The following ABCA6 variants were observed in gnomAD, a reference collection of about 807,000 sequenced individuals.
ABCA6 encodes ATP-binding cassette sub-family A member 6.
Under a neutral mutation model 191.2 loss-of-function variants are expected in ABCA6, and 164 were observed. That is an observed-to-expected ratio of 0.86 (90% CI 0.76 to 0.98). The LOEUF (loss-of-function observed/expected upper bound fraction) is 0.98. Ranked by LOEUF, ABCA6 falls within the 50% of genes least tolerant of loss-of-function variation. The pLI is 0.00. For synonymous variants in ABCA6, 636 were observed against 647.7 expected (o/e 0.98, Z 0.27); for missense variants, 1,958 against 1,894.1 (o/e 1.03, Z -0.63).
chr17:69,116,966 G>A (rs751102816), intron 11 of ABCA6, among the ~76,000 whole-genome samples: 1 of 152,050 alleles, frequency 6.6e-6, no homozygotes, highest in African/African-American at 2.4e-5. Flanking sequence ...GACTTGATGA[G>A]TACAAAGGTA....
chr17:69,111,077 A>C, intron 16 of ABCA6, 137 bp from the exon 17 acceptor site: 1 of 728,232 alleles, frequency 1.4e-6, no homozygotes, highest in Non-Finnish European at 2.1e-6. Context: ...AAATACTAAC[A>C]TGATAGTAAT....
intron 11 of ABCA6, chr17:69,115,783 C>T (rs891529099): frequency 5.3e-6 from 1 of 187,184 alleles, no homozygotes; most frequent in African/African-American, 2.3e-5. Context: ...AATGACCTTT[C>T]AAATGTATTA....
intron 10 of ABCA6, among the ~76,000 whole-genome samples, chr17:69,121,177 G>T (rs2073633925): frequency 6.6e-6 from 1 of 152,050 alleles, no homozygotes; most frequent in South Asian, 2.1e-4. Flanking sequence ...AAAAAGATTT[G>T]ACATTGTCTA....
chr17:69,105,279 T>G (rs2073271334), intron 20 of ABCA6, 183 bp downstream of exon 20: 5 of 607,772 alleles, frequency 8.2e-6, no homozygotes, highest in Non-Finnish European at 1.4e-5. Context: ...TCTCTTGTCC[T>G]CATCATCCCT....
Position 69,124,902 on chromosome 17 carries a change from T to C in ABCA6, c.1253A>G (p.Asp418Gly). The change falls in exon 9 of 39, where the codon GAC (aspartate) becomes GGC (glycine). Residue 418 changes from aspartate to glycine, a missense_variant. Physicochemically the swap from Asp to Gly is moderately conservative, Grantham distance 94. Coordinates refer to ENST00000284425, the MANE Select transcript of ABCA6 (RefSeq NM_080284.3). ...CTATTACTTACAGGGTAAAATTTTG[T>C]CAAAGTATAATGCCAATAGCAAGTA... is the stretch of plus-strand genomic sequence containing the variant. ...LIYLLLALYF[D>G]KILPYGDERH... 4 of 1,562,270 alleles carry C rather than the reference T, an allele frequency of 2.6e-6. No individual in the cohort carries two copies. Among genetic ancestry groups the C allele is most frequent in the Non-Finnish European group, 3.5e-6 (4 of 1,156,446 alleles).
intron 5 of ABCA6, among the ~76,000 whole-genome samples, chr17:69,134,288 G>A (rs913461480): frequency 1.3e-5 from 2 of 152,110 alleles, no homozygotes; most frequent in Admixed American, 6.6e-5. Context: ...AGCCTTTGGG[G>A]TAGTGGTTGG....
At chr17:69,094,316 C>T (rs1460472272) in intron 25 of ABCA6, 1 of 152,254 alleles carries the variant, frequency 6.6e-6, no homozygotes, top group Non-Finnish European at 1.5e-5. Flanking sequence ...CAGATTCTGT[C>T]TTCTGCCATT....
Position 69,100,729 on chromosome 17 carries a change from T to C in ABCA6, c.3012+68A>G. The C allele has an allele frequency of 6.9e-6, 10 of 1,443,542 alleles. No homozygotes were observed. In the South Asian group the frequency reaches 1.5e-4, roughly 21 times the overall value. The allele number at this position is 1,443,542 out of a possible 1,614,324, so 89.4% of individuals were successfully genotyped here. ...CAATCACTTATGGATATTTAAAAGC[T>C]AAAGAGAGAAAACATAGGCTATTTG... On this transcript the variant is annotated intron_variant, in intron 22 of 38. Coordinates refer to ENST00000284425, the MANE Select transcript of ABCA6 (RefSeq NM_080284.3).
chr17:69,105,363 A>G, intron 20 of ABCA6, 99 bp downstream of exon 20: 1 of 1,203,044 alleles, frequency 8.3e-7, no homozygotes, highest in Non-Finnish European at 1.2e-6. Context: ...TTAAATACCC[A>G]TTTTCTTCTC....
At position 69,129,645 on chromosome 17, in the gene ABCA6, T is replaced by G; in HGVS notation, c.898A>C (p.Ile300Leu). The change falls in exon 7 of 39, where the codon ATA becomes CTA. Residue 300 changes from isoleucine (I) to leucine (L), a missense_variant. By Grantham distance (5) the Ile-to-Leu change is conservative (BLOSUM62 2). Coordinates refer to ENST00000284425, the MANE Select transcript of ABCA6 (RefSeq NM_080284.3). Reference sequence around the variant, plus strand: ...CCATATAAAAAAAAGAGTATAAATATGACCATGAAGCCAGTCATGACTATA... The same window carrying G: ...CCATATAAAAAAAAGAGTATAAATAGGACCATGAAGCCAGTCATGACTATA... Reference protein sequence around the residue: ...QIIVMTGFMVIFILFFLYGLS... With the variant: ...QIIVMTGFMVLFILFFLYGLS... 1 of 1,602,570 alleles carries G rather than the reference T, an allele frequency of 6.2e-7. No homozygotes were observed. The highest frequency in any genetic ancestry group is 1.7e-4 in the Middle Eastern group (1 of 6,030).
chr17:69,079,165 A>C, intron 38 of ABCA6, 45 bp downstream of exon 38: 1 of 1,591,004 alleles, frequency 6.3e-7, no homozygotes, highest in Non-Finnish European at 8.6e-7. Context: ...TGTTGCTTTC[A>C]TGTGAAATTT....
chr17:69,110,086 G>C (rs1184369714), intron 17 of ABCA6: 1 of 152,174 alleles, frequency 6.6e-6, no homozygotes, highest in Non-Finnish European at 1.5e-5. Context: ...AGTTAAGATA[G>C]AAAAGGCATT....
At chr17:69,097,556 G>A (rs1024957128) in intron 23 of ABCA6, among the ~76,000 whole-genome samples, 2 of 152,028 alleles carry the variant, frequency 1.3e-5, no homozygotes, top group Admixed American at 6.6e-5. Flanking sequence ...ACATAAAATT[G>A]CAATTTCCAG....
chr17:69,122,758 T>A (rs2073673171), intron 10 of ABCA6, among the ~76,000 whole-genome samples: 1 of 151,934 alleles, frequency 6.6e-6, no homozygotes, highest in African/African-American at 2.4e-5. Context: ...TGTGGCTGGA[T>A]AATATGATAC....
rs753988877 is a variant in ABCA6 at position 69,133,748 on chromosome 17, C to G, written c.684G>C (p.Leu228Phe). ...LHNEMFILFF[L>F]LHFSPLVYFI... ...AATATACAAGTGGGGAGAAATGAAGCAAGAAGAATAAAATAAACATCTCAT... is the reference window on the plus strand; with the variant it reads ...AATATACAAGTGGGGAGAAATGAAGGAAGAAGAATAAAATAAACATCTCAT... The change falls in exon 6 of 39, where the codon TTG becomes TTC. Residue 228 changes from leucine (L) to phenylalanine (F), a missense_variant. Transcript: ENST00000284425. The G allele has an allele frequency of 1.2e-6, 2 of 1,611,194 alleles. No homozygotes were observed. The highest frequency in any genetic ancestry group is 1.7e-6 in the Non-Finnish European group (2 of 1,177,934).
chr17:69,133,395 A>C (rs1037166558), intron 6 of ABCA6, among the ~76,000 whole-genome samples: 1 of 152,212 alleles, frequency 6.6e-6, no homozygotes, highest in African/African-American at 2.4e-5. Context: ...CTTGCTTATA[A>C]AATGAATGAC....
At chr17:69,120,993 C>A (rs1312401920) in intron 10 of ABCA6, among the ~76,000 whole-genome samples, 3 of 151,940 alleles carry the variant, frequency 2.0e-5, no homozygotes, top group Non-Finnish European at 4.4e-5. Context: ...AGATTACATA[C>A]CCTGTAAGCT....
At position 69,139,476 on chromosome 17, in the gene ABCA6, G is replaced by T. The variant is rs550836771; in HGVS notation, c.96+1132C>A. Among the ~76,000 whole-genome samples the T allele has an allele frequency of 8.0e-3, 1,211 of 152,256 alleles. 5 individuals are homozygous for T. The highest frequency in any genetic ancestry group is 0.024 in the Middle Eastern group (7 of 294). On this transcript the variant is annotated intron_variant, in intron 2 of 38. Transcript: ENST00000284425. ...GCGCTGGAGAGGATGTGGAGAAATA[G>T]GAACACTTTTACACTGTTGGTGGGA...
In ABCA6 at chr17:69,125,120, T is replaced by C. The variant is rs190328450; in HGVS notation, c.1120-85A>G. Reference sequence around the variant, plus strand: ...CAGGAAAAAGTATTAATTTATTAACTAGCTTTTTCAAGAGGCACTTAGTAG... The same window carrying C: ...CAGGAAAAAGTATTAATTTATTAACCAGCTTTTTCAAGAGGCACTTAGTAG... On this transcript the variant is annotated intron_variant, in intron 8 of 38. Coordinates refer to ENST00000284425, the MANE Select transcript of ABCA6 (RefSeq NM_080284.3). 219 of 732,430 alleles carry C rather than the reference T, an allele frequency of 3.0e-4. 1 individual carries two copies. In the East Asian group the frequency reaches 7.2e-3, roughly 24 times the overall value. The allele number at this position is 732,430 out of a possible 1,614,324, so 45.4% of individuals were successfully genotyped here. A position where few individuals can be genotyped will look rare whatever the true frequency, so the allele number is the denominator to read the frequency against.
Sources: allele counts gnomAD v4.1 joint callset (sites outside exome capture counted in the v4.1 genomes callset), GRCh38; gene constraint gnomAD v4.1.1; transcripts MANE v1.5; gene names NCBI Gene and HGNC (gene_info 2026-07-23, HGNC 2026-07-21).